The following PROKR1 variants were observed in gnomAD, a reference collection of about 807,000 sequenced individuals.
PROKR1 encodes G protein-coupled receptor 73.
Under a neutral mutation model 22.8 loss-of-function variants are expected in PROKR1, and 21 were observed. The ratio of observed to expected loss-of-function variants is 0.92; its 90% CI spans 0.65 to 1.32. PROKR1 has a LOEUF of 1.32. PROKR1 is among the 40% of genes most tolerant of loss of function. The probability of loss-of-function intolerance (pLI) is 0.00; values close to 1 mark genes in which losing one functional copy is unlikely to be tolerated. For missense variants in PROKR1, 548 were observed against 514.2 expected (o/e 1.07, Z -0.64); for synonymous variants, 193 against 207.5 (o/e 0.93, Z 0.60).
intron 2 of PROKR1, among the ~76,000 whole-genome samples, chr2:68,646,735 G>GT (rs1379220289): frequency 6.6e-6 from 1 of 152,106 alleles, no homozygotes; most frequent in East Asian, 1.9e-4. Flanking sequence ...AGCATCATCT[G>GT]TTTTTAAATA....
In PROKR1 at chr2:68,655,984, T is replaced by A. The variant is rs1178818694; in HGVS notation, c.*408T>A. The A allele has an allele frequency of 1.4e-5, 4 of 281,394 alleles. No individual in the cohort carries two copies. Among genetic ancestry groups the A allele is most frequent in the African/African-American group, 8.9e-5 (4 of 45,166 alleles). The allele number at this position is 281,394 out of a possible 1,614,324, so 17.4% of individuals were successfully genotyped here. A position where few individuals can be genotyped will look rare whatever the true frequency, so the allele number is the denominator to read the frequency against. ...AGTATCTCTGGGACTATTCTTGCAC[T>A]GGACTTCATGCCTAACATTTGCAAG... On this transcript the variant is annotated 3_prime_UTR_variant, in exon 3 of 3. Transcript: ENST00000303786.
In PROKR1 at chr2:68,645,773, T is replaced by G; in HGVS notation, c.-49T>G. The G allele has an allele frequency of 6.2e-7, 1 of 1,614,034 alleles. No homozygotes were observed. The highest frequency in any genetic ancestry group is 8.5e-7 in the Non-Finnish European group (1 of 1,179,990). ...AGGGGTGACATCAGCCTTGCAGACA[T>G]TGCCCTGGGGAATTCTGAGCAGTGT... On this transcript the variant is annotated 5_prime_UTR_variant, in exon 2 of 3. Transcript: ENST00000303786.
At position 68,646,319 on chromosome 2, in the gene PROKR1, G is replaced by A. The variant is rs1338208154; in HGVS notation, c.485+13G>A. 1.9e-6 allele frequency: 3 copies of A among 1,614,144 alleles called. No individual in the cohort carries two copies. The South Asian group carries it at 3.3e-5, about 18-fold the overall frequency. ...TCGCCATTGACAGGTGAGTGCAGCA[G>A]CAGTGGGGACAACAAAGGCGGTCAG... On this transcript the variant is annotated intron_variant, in intron 2 of 2. Coordinates refer to ENST00000303786, the MANE Select transcript of PROKR1 (RefSeq NM_138964.4).
intron 1 of PROKR1, among the ~76,000 whole-genome samples, chr2:68,644,820 G>A (rs1193031517): frequency 6.6e-6 from 1 of 152,072 alleles, no homozygotes; most frequent in Non-Finnish European, 1.5e-5. Context: ...TCCCCACCAG[G>A]GCAGCTGACA....
At chr2:68,649,170 A>G (rs1373266046) in intron 2 of PROKR1, among the ~76,000 whole-genome samples, 1 of 152,228 alleles carries the variant, frequency 6.6e-6, no homozygotes, top group African/African-American at 2.4e-5. Context: ...ACAAAATGCC[A>G]GAACAGAACT....
rs749330048 is a variant in PROKR1 at position 68,655,230 on chromosome 2, G to A, written c.836G>A (p.Arg279His). Residue 279 changes from arginine to histidine, a missense_variant, in exon 3 of 3, where the codon CGC becomes CAC. Arg to His is a conservative substitution (Grantham distance 29). Coordinates refer to ENST00000303786, the MANE Select transcript of PROKR1 (RefSeq NM_138964.4). ...CAGATCCGCAAGAGGCTGCGCTGCC[G>A]CAGGAAGACGGTCCTGGTGCTCATG... is the stretch of plus-strand genomic sequence containing the variant. ...TEQIRKRLRC[R>H]RKTVLVLMCI... 8.7e-6 allele frequency: 14 copies of A among 1,614,124 alleles called. No homozygotes were observed. The highest frequency in any genetic ancestry group is 1.2e-5 in the Non-Finnish European group (14 of 1,180,046).
chr2:68,655,330 C>T lies in PROKR1; in HGVS notation c.936C>T (p.Thr312=), dbSNP rs763997438. The stretch of plus-strand genomic sequence containing the variant: ...CCATCGTGCGCGACTTCTTCCCCAC[C>T]GTGTTTGTGAAGGAGAAGCACTACC... The part of the protein sequence containing the change: ...GFTIVRDFFP[T]VFVKEKHYLT... Residue 312 remains threonine, a synonymous_variant, in exon 3 of 3, where the codon ACC becomes ACT. Transcript: ENST00000303786. 1.9e-6 allele frequency: 3 copies of T among 1,614,252 alleles called. No homozygotes were observed. In the East Asian group the frequency reaches 6.7e-5, roughly 36 times the overall value.
At chr2:68,651,298 A>G (rs1057130032) in intron 2 of PROKR1, among the ~76,000 whole-genome samples, 3 of 152,132 alleles carry the variant, frequency 2.0e-5, no homozygotes, top group Non-Finnish European at 2.9e-5. Flanking sequence ...AGGAGATAGA[A>G]GCTGCAGTGA....
At position 68,657,561 on chromosome 2, in the gene PROKR1, G is replaced by A. The variant is rs1673498627; in HGVS notation, c.*1985G>A. On this transcript the variant is annotated 3_prime_UTR_variant, in exon 3 of 3. Transcript: ENST00000303786. ...AAGTGCTGATCATCTTCCCATGACTGTTCCCAGCCAGCATGAATCTGGGCA... is the reference window on the plus strand; with the variant it reads ...AAGTGCTGATCATCTTCCCATGACTATTCCCAGCCAGCATGAATCTGGGCA... The A allele has an allele frequency of 6.6e-6, 1 of 152,186 alleles. No homozygotes were observed. Among genetic ancestry groups the A allele is most frequent in the African/African-American group, 2.4e-5 (1 of 41,440 alleles). 9.4% of individuals were successfully genotyped at this position (152,186 alleles called of 1,614,324 possible).
Position 68,645,903 on chromosome 2 carries a change from G to A in PROKR1, c.82G>A (p.Ala28Thr). 6.2e-7 allele frequency: 1 copy of A among 1,614,186 alleles called. No homozygotes were observed. ...SFLSVLNPHG[A>T]HATSFPFNFS... ...CCTTTCTGTGCTCAACCCTCATGGAGCCCATGCCACTTCCTTCCCATTCAA... is the reference window on the plus strand; with the variant it reads ...CCTTTCTGTGCTCAACCCTCATGGAACCCATGCCACTTCCTTCCCATTCAA... Residue 28 changes from alanine to threonine, a missense_variant, in exon 2 of 3, where the codon GCC (alanine) becomes ACC (threonine). Physicochemically the swap from Ala to Thr is moderately conservative, Grantham distance 58. Coordinates refer to ENST00000303786, the MANE Select transcript of PROKR1 (RefSeq NM_138964.4).
rs1300260195 is a variant in PROKR1 at position 68,656,680 on chromosome 2, A to G, written c.*1104A>G. The stretch of plus-strand genomic sequence containing the variant: ...AAGAGTTCCCTCCTAACCAGACAGC[A>G]TGGTAAGGTATCCTCATCGATATGA... On this transcript the variant is annotated 3_prime_UTR_variant, in exon 3 of 3. Transcript: ENST00000303786. 3 of 152,188 alleles carry G rather than the reference A, an allele frequency of 2.0e-5. No individual in the cohort carries two copies. Among genetic ancestry groups the G allele is most frequent in the African/African-American group, 7.2e-5 (3 of 41,442 alleles). The allele number at this position is 152,188 out of a possible 1,614,324, so 9.4% of individuals were successfully genotyped here.
chr2:68,649,576 G>A (rs1271808228), intron 2 of PROKR1: 1 of 152,222 alleles, frequency 6.6e-6, no homozygotes, highest in Non-Finnish European at 1.5e-5. Context: ...ACCAAAGGAT[G>A]GAGAGAGATC....
At chr2:68,646,529 G>T (rs1673183133) in intron 2 of PROKR1, among the ~76,000 whole-genome samples, 1 of 152,236 alleles carries the variant, frequency 6.6e-6, no homozygotes, top group African/African-American at 2.4e-5. Context: ...CTAGAGTTGG[G>T]TGATGGGAAG....
rs1558580624 is a variant in PROKR1 at position 68,655,835 on chromosome 2, G to C, written c.*259G>C. The C allele has an allele frequency of 5.8e-6, 3 of 517,300 alleles. No homozygotes were observed. The highest frequency in any genetic ancestry group is 1.1e-5 in the Non-Finnish European group (3 of 284,812). The allele number at this position is 517,300 out of a possible 1,614,324, so 32.0% of individuals were successfully genotyped here. ...AACCTATATATGTTGATGACATTTA[G>C]TTGGCAAAATGAAATTGGAATTAAA... is the stretch of plus-strand genomic sequence containing the variant. On this transcript the variant is annotated 3_prime_UTR_variant, in exon 3 of 3. Coordinates refer to ENST00000303786, the MANE Select transcript of PROKR1 (RefSeq NM_138964.4).
intron 1 of PROKR1, among the ~76,000 whole-genome samples, chr2:68,645,297 G>A (rs1392621051): frequency 6.6e-6 from 1 of 151,788 alleles, no homozygotes; most frequent in Non-Finnish European, 1.5e-5. Flanking sequence ...TGCCAGAAGA[G>A]CAAGGAGAGC....
intron 2 of PROKR1, among the ~76,000 whole-genome samples, chr2:68,649,982 C>T (rs371876386): frequency 4.3e-4 from 64 of 148,434 alleles, no homozygotes; most frequent in East Asian, 4.2e-3. Context: ...AACCAAACAC[C>T]GCATATTCTC....
At chr2:68,645,633 A>G (rs1438017836) in intron 1 of PROKR1, 29 bp from the exon 2 acceptor site, 3 of 820,256 alleles carry the variant, frequency 3.7e-6, no homozygotes, top group South Asian at 1.8e-5. Flanking sequence ...ACTGCAACAT[A>G]TAGCCAACTG....
At chr2:68,653,171 C>T (rs1014042930) in intron 2 of PROKR1, among the ~76,000 whole-genome samples, 4 of 152,212 alleles carry the variant, frequency 2.6e-5, no homozygotes, top group Non-Finnish European at 5.9e-5. Flanking sequence ...GGCCCACACT[C>T]GTGCATTGAC....
intron 2 of PROKR1, among the ~76,000 whole-genome samples, chr2:68,647,673 G>T (rs1673219570): frequency 6.7e-6 from 1 of 148,484 alleles, no homozygotes; most frequent in African/African-American, 2.6e-5. Context: ...ACCGCTGAGG[G>T]GTGGAAACTC....
Sources: allele counts gnomAD v4.1 joint callset (sites outside exome capture counted in the v4.1 genomes callset), GRCh38; gene constraint gnomAD v4.1.1; transcripts MANE v1.5; gene names NCBI Gene and HGNC (gene_info 2026-07-23, HGNC 2026-07-21).